Variants in GABRB1 observed in about 807,000 individuals in gnomAD.
GABRB1 encodes the protein gamma-aminobutyric acid type A receptor subunit beta1.
A neutral mutation model predicts 51.6 loss-of-function variants in GABRB1; 17 were observed. The ratio of observed to expected loss-of-function variants is 0.33; its 90% confidence interval spans 0.23 to 0.49. The LOEUF is 0.49. GABRB1 is among the 20% of genes least tolerant of loss of function. The pLI, the probability that GABRB1 is intolerant of heterozygous loss-of-function variation, is 0.99. For missense variants in GABRB1, 410 were observed against 600.6 expected, an observed-to-expected ratio of 0.68 and a Z score of 3.32; for synonymous variants, 247 against 218.9, an observed-to-expected ratio of 1.13 and a Z score of -1.14.
At chr4:47,419,234 A>C (rs1729023349) in intron 8 of GABRB1, among the ~76,000 whole-genome samples, 2 of 152,220 alleles carry the variant, frequency 1.3e-5, no homozygotes, top group Admixed American at 6.5e-5. Flanking sequence ...TAAGCAGTGC[A>C]CTGGAGGAAG....
At chr4:47,360,739 G>A (rs190985975) in intron 5 of GABRB1, among the ~76,000 whole-genome samples, 7 of 151,980 alleles carry the variant, frequency 4.6e-5, no homozygotes, top group East Asian at 1.9e-4. Flanking sequence ...ACTACTCTTC[G>A]ATTACCATAT....
chr4:47,016,171 T>A (rs1307846408), intron 1 of GABRB1, among the ~76,000 whole-genome samples: 1 of 152,006 alleles, frequency 6.6e-6, no homozygotes, highest in East Asian at 1.9e-4. Flanking sequence ...ACAATAGAAA[T>A]AATGTAGGTT....
chr4:47,002,827 G>C (rs534548632), intron 1 of GABRB1, among the ~76,000 whole-genome samples: 1 of 152,254 alleles, frequency 6.6e-6, no homozygotes, highest in East Asian at 1.9e-4. Context: ...CTACTGCATG[G>C]AGTGGCATTA....
chr4:47,201,908 A>AT (rs1283010703), intron 4 of GABRB1, among the ~76,000 whole-genome samples: 1 of 152,136 alleles, frequency 6.6e-6, no homozygotes, highest in Non-Finnish European at 1.5e-5. Context: ...ATTAATTGAT[A>AT]TAAAAAAGTA....
chr4:47,149,291 A>G (rs1300924610), intron 3 of GABRB1, among the ~76,000 whole-genome samples: 1 of 151,994 alleles, frequency 6.6e-6, no homozygotes, highest in Non-Finnish European at 1.5e-5. Flanking sequence ...TATTAACTGC[A>G]TTGTTCTGTA....
At chr4:47,045,219 C>A (rs1393790752) in intron 3 of GABRB1, among the ~76,000 whole-genome samples, 1 of 152,004 alleles carries the variant, frequency 6.6e-6, no homozygotes, top group Non-Finnish European at 1.5e-5. Context: ...TACCCATGGA[C>A]AACAAGTGTA....
Position 47,383,217 on chromosome 4 carries a change from C to A in GABRB1, c.545-20101C>A, listed in dbSNP as rs149785122. 3.3e-3 allele frequency among the ~76,000 whole-genome samples: 508 copies of A among 152,230 alleles called. 4 individuals carry two copies. Among genetic ancestry groups the A allele is most frequent in the African/African-American group, 0.011 (455 of 41,540 alleles). On this transcript the variant is annotated intron_variant, in intron 5 of 8. Coordinates refer to ENST00000295454, the MANE Select transcript of GABRB1 (RefSeq NM_000812.4). ...TTCTAGAGAGGATCCAAAAACCATG[C>A]CATATTTGAAGACAGCTGAGAATTG...
chr4:47,290,349 C>T (rs967699316), intron 4 of GABRB1, among the ~76,000 whole-genome samples: 1 of 152,210 alleles, frequency 6.6e-6, no homozygotes, highest in African/African-American at 2.4e-5. Context: ...ATGACTTTCA[C>T]TTTCCACCAT....
chr4:47,043,920 C>T (rs546792932), intron 3 of GABRB1, among the ~76,000 whole-genome samples: 16 of 152,172 alleles, frequency 1.1e-4, no homozygotes, highest in African/African-American at 3.4e-4. Context: ...TGAATGGTTG[C>T]ATGAGAGAAC....
At chr4:47,275,963 T>C (rs577143957) in intron 4 of GABRB1, among the ~76,000 whole-genome samples, 1 of 152,270 alleles carries the variant, frequency 6.6e-6, no homozygotes, top group East Asian at 1.9e-4. Flanking sequence ...ATTATGTAGT[T>C]CAAAGCAAAG....
intron 4 of GABRB1, among the ~76,000 whole-genome samples, chr4:47,280,211 TACTAA>T (rs1723230385): frequency 6.6e-6 from 1 of 151,988 alleles, no homozygotes; most frequent in Non-Finnish European, 1.5e-5. Flanking sequence ...AAACATCTTA[TACTAA>T]TAGCAGGCTA....
At chr4:47,400,921 C>CTTTTTTTTTTTT (rs71195629) in intron 5 of GABRB1, among the ~76,000 whole-genome samples, 7 of 98,542 alleles carry the variant, frequency 7.1e-5, no homozygotes, top group African/African-American at 1.6e-4. Context: ...TTGTTCTTCT[C>CTTTTTTTTTTTT]TTTTTTTTTT....
intron 1 of GABRB1, among the ~76,000 whole-genome samples, chr4:47,023,920 C>A (rs780070466): frequency 1.4e-4 from 21 of 151,804 alleles, no homozygotes; most frequent in Admixed American, 6.6e-4. Context: ...TTTCTCTGTT[C>A]TTTTCTTATG....
intron 3 of GABRB1, among the ~76,000 whole-genome samples, chr4:47,062,530 G>A (rs1308388568): frequency 6.6e-6 from 1 of 151,760 alleles, no homozygotes; most frequent in Non-Finnish European, 1.5e-5. Flanking sequence ...TATGTAACAT[G>A]ATTTGATGTA....
intron 8 of GABRB1, among the ~76,000 whole-genome samples, chr4:47,419,177 T>C (rs2110065744): frequency 6.6e-6 from 1 of 152,314 alleles, no homozygotes; most frequent in Non-Finnish European, 1.5e-5. Context: ...TTCCCAGGAC[T>C]GTTGTGTCAT....
chr4:47,037,811 A>G (rs1485243929), intron 3 of GABRB1, among the ~76,000 whole-genome samples: 1 of 152,092 alleles, frequency 6.6e-6, no homozygotes, highest in Non-Finnish European at 1.5e-5. Context: ...CCACCATTAC[A>G]GATTGAAAAA....
chr4:47,196,836 C>T (rs1719702492), intron 4 of GABRB1, among the ~76,000 whole-genome samples: 1 of 152,136 alleles, frequency 6.6e-6, no homozygotes, highest in South Asian at 2.1e-4. Flanking sequence ...ATTTCTGTGC[C>T]TCATGAACAC....
intron 3 of GABRB1, among the ~76,000 whole-genome samples, chr4:47,055,700 A>G (rs1726564783): frequency 6.6e-6 from 1 of 152,168 alleles, no homozygotes. Context: ...GCTAGAGATC[A>G]GGAAACCTTG....
At chr4:47,423,005 A>G (rs1199593001) in intron 8 of GABRB1, among the ~76,000 whole-genome samples, 1 of 152,110 alleles carries the variant, frequency 6.6e-6, no homozygotes, top group African/African-American at 2.4e-5. Context: ...ACATTGTCCT[A>G]GTCCAGGCCC....
Sources: gnomAD v4.1 joint callset for allele counts (sites outside exome capture counted in the v4.1 genomes callset) on GRCh38, gnomAD v4.1.1 for gene constraint, MANE v1.5 for transcripts, NCBI Gene and HGNC (gene_info 2026-07-23, HGNC 2026-07-21) for gene names.